Variants in ATP6V0A4 observed in about 807,000 individuals in gnomAD.
ATP6V0A4 encodes the protein V-type proton ATPase 116 kDa subunit a 4.
ATP6V0A4 carries 86 observed loss-of-function variants against 107.3 expected under a neutral mutation model. That is an observed-to-expected ratio of 0.80 (90% CI 0.67 to 0.96). The LOEUF (loss-of-function observed/expected upper bound fraction) is 0.96, where lower values mean the gene tolerates loss of function less well. Ranked by LOEUF, ATP6V0A4 falls within the 40% of genes least tolerant of loss-of-function variation. The pLI is 0.00. For synonymous variants in ATP6V0A4, 353 were observed against 381.4 expected, an observed-to-expected ratio of 0.93 and a Z score of 0.87; for missense variants, 908 against 1,045.6, an observed-to-expected ratio of 0.87 and a Z score of 1.81.
rs753814675 is a variant in ATP6V0A4 at position 138,755,689 on chromosome 7, G to A, written c.816C>T (p.Thr272=). 8.1e-6 allele frequency: 13 copies of A among 1,613,530 alleles called. No homozygotes were observed. The highest frequency in any genetic ancestry group is 3.3e-5 in the South Asian group (3 of 91,082). The change falls in exon 10 of 22, where the codon ACC becomes ACT. Residue 272 remains threonine, a splice_region_variant and synonymous_variant. Transcript: ENST00000310018. ...CCATGCGCCCAAACCCCTCACTCAC[G>A]GTGATTAAATCTTCCAGCCTCACAT... The part of the protein sequence containing the change: ...SVNVRLEDLI[T]VITQTESHRQ...
At chr7:138,736,233 A>T (rs1160005871) in intron 15 of ATP6V0A4, among the ~76,000 whole-genome samples, 3 of 152,134 alleles carry the variant, frequency 2.0e-5, no homozygotes, top group Non-Finnish European at 4.4e-5. Context: ...AGAGAGCAAG[A>T]CTCTGTCTCT....
At chr7:138,722,124 T>C (rs2117212756) in intron 18 of ATP6V0A4, 99 bp from the exon 19 acceptor site, 2 of 1,542,088 alleles carry the variant, frequency 1.3e-6, no homozygotes, top group South Asian at 2.4e-5. Context: ...ACTACCTATG[T>C]ACCAGACACT....
At chr7:138,707,202 A>AAT (rs1158438303) in intron 21 of ATP6V0A4, among the ~76,000 whole-genome samples, 1 of 78,676 alleles carries the variant, frequency 1.3e-5, no homozygotes, top group South Asian at 3.1e-4. Flanking sequence ...TATATTATAT[A>AAT]ATATATTATA....
In ATP6V0A4 at chr7:138,773,558, C is replaced by T. The variant is rs1031650930; in HGVS notation, c.-17-2294G>A. Among the ~76,000 whole-genome samples, 2 of 152,170 alleles carry T rather than the reference C, an allele frequency of 1.3e-5. No homozygotes were observed. The highest frequency in any genetic ancestry group is 4.8e-5 in the African/African-American group (2 of 41,438). ...CGAGGCTAGAACCATTCCCTGTTTC[C>T]ACTCCCACACCGGTCTAGGTCAACA... On this transcript the variant is annotated intron_variant, in intron 2 of 21. Coordinates refer to ENST00000310018, the MANE Select transcript of ATP6V0A4 (RefSeq NM_020632.3). The surrounding 1 kb of genome is among the most constrained non-coding windows in gnomAD (Gnocchi z 5.4).
chr7:138,716,584 G>A (rs1239621613), intron 19 of ATP6V0A4, among the ~76,000 whole-genome samples: 1 of 147,942 alleles, frequency 6.8e-6, no homozygotes, highest in Non-Finnish European at 1.5e-5. Flanking sequence ...TTGGGGGGGG[G>A]GGAGGGTCTT....
chr7:138,708,681 G>A (rs189211084), intron 21 of ATP6V0A4, among the ~76,000 whole-genome samples: 80 of 152,270 alleles, frequency 5.3e-4, no homozygotes, highest in African/African-American at 1.8e-3. Context: ...CAGGGCTCCC[G>A]GTGAGCGTCT....
chr7:138,730,624 C>T (rs1476507475), intron 17 of ATP6V0A4, among the ~76,000 whole-genome samples: 1 of 152,182 alleles, frequency 6.6e-6, no homozygotes, highest in Non-Finnish European at 1.5e-5. Context: ...GTGCTTATTC[C>T]AGACTAAGTG....
chr7:138,749,935 G>GCTATCACC (rs1487402255), intron 11 of ATP6V0A4, among the ~76,000 whole-genome samples: 3 of 152,116 alleles, frequency 2.0e-5, no homozygotes, highest in Admixed American at 2.0e-4. Context: ...GATTCCCACA[G>GCTATCACC]CTATCACCCT....
At chr7:138,794,842 CA>C (rs1028428648) in intron 1 of ATP6V0A4, among the ~76,000 whole-genome samples, 40 of 152,034 alleles carry the variant, frequency 2.6e-4, no homozygotes, top group African/African-American at 9.2e-4. Context: ...TGGCCACACA[CA>C]CACAGCCCTT....
chr7:138,776,287 C>T (rs1451801716), intron 2 of ATP6V0A4, among the ~76,000 whole-genome samples: 1 of 152,190 alleles, frequency 6.6e-6, no homozygotes, highest in African/African-American at 2.4e-5. Context: ...GAACCTGGGG[C>T]AGTGGAGGCC....
At chr7:138,724,882 C>T (rs1012545650) in intron 18 of ATP6V0A4, among the ~76,000 whole-genome samples, 1 of 152,156 alleles carries the variant, frequency 6.6e-6, no homozygotes, top group Non-Finnish European at 1.5e-5. Context: ...TACTTACTTG[C>T]AGTCCTCTTA....
chr7:138,707,350 A>ATATATTTAT lies in ATP6V0A4; in HGVS notation c.2430-634_2430-633insATAAATATA, dbSNP rs1385766898. Among the ~76,000 whole-genome samples the ATATATTTAT allele has an allele frequency of 1.7e-4, 15 of 90,366 alleles. 1 individual carries two copies. The South Asian group carries it at 2.1e-3, about 12-fold the overall frequency. The allele number at this position is 90,366 out of a possible 152,430, so 59.3% of individuals were successfully genotyped here. A position where few individuals can be genotyped will look rare whatever the true frequency, so the allele number is the denominator to read the frequency against. On this transcript the variant is annotated intron_variant, in intron 21 of 21. Coordinates refer to ENST00000310018, the MANE Select transcript of ATP6V0A4 (RefSeq NM_020632.3). ...TTTATATTTATAATATATATATTAT[A>ATATATTTAT]ATATATATTATATTATATATATATT...
At position 138,707,974 on chromosome 7, in the gene ATP6V0A4, G is replaced by C. The variant is rs539734897; in HGVS notation, c.2430-1257C>G. Among the ~76,000 whole-genome samples, 3 of 151,754 alleles carry C rather than the reference G, an allele frequency of 2.0e-5. No individual in the cohort carries two copies. In the East Asian group the frequency reaches 5.8e-4, roughly 29 times the overall value. Reference sequence around the variant, plus strand: ...GCAAAGACCCTTGACCTGTATTTTTGTAACTCACATAACTGATACCATGTC... The same window carrying C: ...GCAAAGACCCTTGACCTGTATTTTTCTAACTCACATAACTGATACCATGTC... On this transcript the variant is annotated intron_variant, in intron 21 of 21. Transcript: ENST00000310018.
intron 2 of ATP6V0A4, among the ~76,000 whole-genome samples, chr7:138,782,892 T>C (rs779355736): frequency 6.6e-6 from 1 of 152,100 alleles, no homozygotes; most frequent in South Asian, 2.1e-4. Flanking sequence ...CTGGCCAACA[T>C]AGTGAAACCC....
chr7:138,712,868 G>T (rs572570141), intron 20 of ATP6V0A4, among the ~76,000 whole-genome samples: 1 of 152,230 alleles, frequency 6.6e-6, no homozygotes, highest in East Asian at 1.9e-4. Flanking sequence ...TCCAACTACT[G>T]CTGGGGTTAG....
chr7:138,782,036 G>C (rs1231686347), intron 2 of ATP6V0A4, among the ~76,000 whole-genome samples: 1 of 152,142 alleles, frequency 6.6e-6, no homozygotes, highest in African/African-American at 2.4e-5. Flanking sequence ...ACAACCACTA[G>C]CCTGGGGACC....
At chr7:138,780,392 C>T (rs1176228981) in intron 2 of ATP6V0A4, among the ~76,000 whole-genome samples, 3 of 152,084 alleles carry the variant, frequency 2.0e-5, no homozygotes, top group Admixed American at 1.3e-4. Flanking sequence ...GGTGGAGGCT[C>T]AGGTGGAAAT....
intron 8 of ATP6V0A4, 28 bp from the exon 9 acceptor site, chr7:138,756,568 A>AG (rs775291316): frequency 8.1e-6 from 13 of 1,600,726 alleles, no homozygotes. Context: ...GTTAAAAAAA[A>AG]AGGGGGGGGT....
chr7:138,708,316 G>A (rs1245394259), intron 21 of ATP6V0A4, among the ~76,000 whole-genome samples: 1 of 152,152 alleles, frequency 6.6e-6, no homozygotes, highest in African/African-American at 2.4e-5. Context: ...AAAGTGCTGG[G>A]ATTACAGGCA....
Sources: allele counts gnomAD v4.1 joint callset (sites outside exome capture counted in the v4.1 genomes callset), GRCh38; gene constraint gnomAD v4.1.1; non-coding constraint Gnocchi (gnomAD v3.1); transcripts MANE v1.5; gene names NCBI Gene and HGNC (gene_info 2026-07-23, HGNC 2026-07-21).